Variants in NUP205 observed in about 807,000 individuals in gnomAD.
The protein encoded by NUP205 is nuclear pore complex protein Nup205.
NUP205 carries 76 observed loss-of-function variants against 253.8 expected under a neutral mutation model. The ratio of observed to expected loss-of-function variants is 0.30; its 90% CI spans 0.25 to 0.36. The LOEUF (loss-of-function observed/expected upper bound fraction) is 0.36. NUP205 is among the 10% of genes least tolerant of loss of function. The probability of loss-of-function intolerance (pLI) is 1.00; values close to 1 mark genes in which losing one functional copy is unlikely to be tolerated. For synonymous variants in NUP205, 832 were observed against 850.1 expected, an observed-to-expected ratio of 0.98 and a Z score of 0.37; for missense variants, 2,162 against 2,425.5, an observed-to-expected ratio of 0.89 and a Z score of 2.28.
At chr7:135,619,728 TG>T in intron 29 of NUP205, 38 bp downstream of exon 29, 1 of 1,597,346 alleles carries the variant, frequency 6.3e-7, no homozygotes, top group African/African-American at 1.4e-5. Flanking sequence ...TTCTATCTTT[TG>T]TATTTGTTTT....
Position 135,626,342 on chromosome 7 carries a change from C to T in NUP205, c.4774C>T (p.Pro1592Ser), listed in dbSNP as rs1794588500. The change falls in exon 33 of 43, where the codon CCA becomes TCA. Residue 1592 changes from proline (P) to serine (S), a missense_variant. Pro to Ser is a moderately conservative substitution (Grantham distance 74, BLOSUM62 -1). Around this residue, in one of 5 missense-constraint regions of NUP205, gnomAD observed 1,144 missense variants for 1,280.9 expected, o/e 0.89. Coordinates refer to ENST00000285968, the MANE Select transcript of NUP205 (RefSeq NM_015135.3). ...LAQCQVYDMR[P>S]ETDPQSMFGM... Reference sequence around the variant, plus strand: ...TCAATGCCAAGTCTATGACATGCGCCCAGAAACGGACCCGCAGAGGTAAGT... The same window carrying T: ...TCAATGCCAAGTCTATGACATGCGCTCAGAAACGGACCCGCAGAGGTAAGT... 2 of 1,614,012 alleles carry T rather than the reference C, an allele frequency of 1.2e-6. No homozygotes were observed. Among genetic ancestry groups the T allele is most frequent in the Admixed American group, 3.3e-5 (2 of 60,004 alleles).
At chr7:135,563,136 CTCCTTCATA>C (rs1041285163) in intron 1 of NUP205, among the ~76,000 whole-genome samples, 6 of 151,902 alleles carry the variant, frequency 3.9e-5, no homozygotes, top group Non-Finnish European at 5.9e-5. Context: ...CTGGCTACCT[CTCCTTCATA>C]TCCTTCATAT....
intron 1 of NUP205, among the ~76,000 whole-genome samples, chr7:135,565,338 A>G (rs1805721890): frequency 6.6e-6 from 1 of 151,978 alleles, no homozygotes; most frequent in Non-Finnish European, 1.5e-5. Context: ...CCTTTATACC[A>G]TGTGCCATTT....
chr7:135,645,564 C>G lies in NUP205; in HGVS notation c.5780C>G (p.Ser1927Trp), dbSNP rs749243035. 10 of 1,614,054 alleles carry G rather than the reference C, an allele frequency of 6.2e-6. No homozygotes were observed. In the South Asian group the frequency reaches 8.8e-5, roughly 14 times the overall value. Residue 1927 changes from serine (S) to tryptophan (W), a missense_variant, in exon 41 of 43, where the codon TCG becomes TGG. Coordinates refer to ENST00000285968, the MANE Select transcript of NUP205 (RefSeq NM_015135.3). The part of the protein sequence containing the change: ...PTDSQDSLFA[S>W]RTLFKSRRLQ... The stretch of plus-strand genomic sequence containing the variant: ...GATTCTCAAGATTCCTTATTTGCCT[C>G]GAGAACCTTGTTTAAAAGCAGAAGA...
intron 38 of NUP205, among the ~76,000 whole-genome samples, chr7:135,640,597 A>G (rs1794900634): frequency 6.6e-6 from 1 of 152,104 alleles, no homozygotes; most frequent in Non-Finnish European, 1.5e-5. Context: ...TGTTTGTATT[A>G]TGTCTAGGCT....
chr7:135,600,519 G>C (rs1793944839), intron 15 of NUP205, among the ~76,000 whole-genome samples: 1 of 152,186 alleles, frequency 6.6e-6, no homozygotes, highest in Non-Finnish European at 1.5e-5. Flanking sequence ...TAGAGAAAAT[G>C]TGAAATGTTT....
rs752409109 is a variant in NUP205 at position 135,643,321 on chromosome 7, A to G, written c.5522A>G (p.Gln1841Arg). 5 of 1,614,108 alleles carry G rather than the reference A, an allele frequency of 3.1e-6. No individual in the cohort carries two copies. The highest frequency in any genetic ancestry group is 1.6e-4 in the Middle Eastern group (1 of 6,062). Residue 1841 changes from glutamine to arginine, a missense_variant, in exon 39 of 43, where the codon CAA (glutamine) becomes CGA (arginine). Around this residue, in one of 5 missense-constraint regions of NUP205, gnomAD observed 1,144 missense variants for 1,280.9 expected, o/e 0.89. Coordinates refer to ENST00000285968, the MANE Select transcript of NUP205 (RefSeq NM_015135.3). ...CATCGACAGAGTGTCAGCAAGCTACAAAATGTAGAGCAGCTTCCCCCAGAT... is the reference window on the plus strand; with the variant it reads ...CATCGACAGAGTGTCAGCAAGCTACGAAATGTAGAGCAGCTTCCCCCAGAT... ...DSHRQSVSKL[Q>R]NVEQLPPDEI...
At chr7:135,565,148 C>T (rs983287908) in intron 1 of NUP205, among the ~76,000 whole-genome samples, 1 of 152,088 alleles carries the variant, frequency 6.6e-6, no homozygotes. Context: ...ATTCACTGAG[C>T]TTATTACACT....
At chr7:135,603,238 C>T (rs995265797) in intron 18 of NUP205, among the ~76,000 whole-genome samples, 1 of 151,480 alleles carries the variant, frequency 6.6e-6, no homozygotes, top group Non-Finnish European at 1.5e-5. Context: ...GCCTCAGCCT[C>T]CTGAGTAGCT....
intron 34 of NUP205, among the ~76,000 whole-genome samples, chr7:135,629,549 CAG>C (rs1794666229): frequency 7.2e-6 from 1 of 139,082 alleles, no homozygotes; most frequent in Non-Finnish European, 1.5e-5. Context: ...TTTTTTGAGA[CAG>C]AGTCTCACTT....
Position 135,648,486 on chromosome 7 carries a change from G to A in NUP205, c.5969G>A (p.Arg1990Gln), listed in dbSNP as rs141606746. The change falls in exon 43 of 43, where the codon CGA becomes CAA. Residue 1990 changes from arginine (R) to glutamine (Q), a missense_variant. Around this residue, in one of 5 missense-constraint regions of NUP205, gnomAD observed 1,144 missense variants for 1,280.9 expected, o/e 0.89. Transcript: ENST00000285968. ...LDIEGLYSKV[R>Q]SRYSFIQALV... ...ATTGAAGGATTATATTCAAAAGTTC[G>A]ATCTCGATATAGTTTCATACAGGCT... 11 of 1,607,324 alleles carry A rather than the reference G, an allele frequency of 6.8e-6. No homozygotes were observed. The highest frequency in any genetic ancestry group is 1.7e-5 in the Admixed American group (1 of 58,148).
chr7:135,622,683 T>C (rs1342460132), intron 30 of NUP205, 94 bp from the exon 31 acceptor site: 2 of 1,180,252 alleles, frequency 1.7e-6, no homozygotes, highest in Non-Finnish European at 1.2e-6. Context: ...TTTTTTTTTT[T>C]CTTCCTTAGC....
At chr7:135,571,278 G>C (rs1184588632) in intron 2 of NUP205, 31 bp downstream of exon 2, 1 of 1,332,146 alleles carries the variant, frequency 7.5e-7, no homozygotes, top group African/African-American at 1.6e-5. Context: ...GTTTTTTTGG[G>C]ATTTTTTTTT....
Position 135,593,172 on chromosome 7 carries a change from A to C in NUP205, c.1810A>C (p.Thr604Pro). ...TGGATTGATTGCTTTTTTGCAGCTC[A>C]CGTCTACCATCATTACTTGGGTAGG... is the stretch of plus-strand genomic sequence containing the variant. ...QDGLIAFLQLTSTIITWSENA... is the reference protein window; with the variant it reads ...QDGLIAFLQLPSTIITWSENA... Residue 604 changes from threonine (T) to proline (P), a missense_variant, in exon 12 of 43, where the codon ACG becomes CCG. Physicochemically the swap from Thr to Pro is conservative, Grantham distance 38 (BLOSUM62 -1). Around this residue, in one of 5 missense-constraint regions of NUP205, gnomAD observed 892 missense variants for 957.1 expected, o/e 0.93. Transcript: ENST00000285968. 1 of 1,614,038 alleles carries C rather than the reference A, an allele frequency of 6.2e-7. No homozygotes were observed. The highest frequency in any genetic ancestry group is 8.5e-7 in the Non-Finnish European group (1 of 1,179,934).
chr7:135,636,113 A>C (rs1425531177), intron 36 of NUP205, among the ~76,000 whole-genome samples: 3 of 152,114 alleles, frequency 2.0e-5, no homozygotes, highest in African/African-American at 7.2e-5. Flanking sequence ...GATTCTTTAC[A>C]AGCTCTGTAA....
Position 135,584,940 on chromosome 7 carries a change from A to G in NUP205, c.1151A>G (p.Gln384Arg). The change falls in exon 8 of 43, where the codon CAG (glutamine) becomes CGG (arginine). Residue 384 changes from glutamine (Q) to arginine (R), a missense_variant. Gln to Arg is a conservative substitution (Grantham distance 43, BLOSUM62 1). This residue lies in a region of NUP205 where 892 missense variants were observed against 957.1 expected (regional missense o/e 0.93). Coordinates refer to ENST00000285968, the MANE Select transcript of NUP205 (RefSeq NM_015135.3). ...GTAGTGGTATCAGAATACTTTTATC[A>G]GGAAGAATTTTATATTCGCAGAGTC... Reference protein sequence around the residue: ...ESVVVSEYFYQEEFYIRRVHN... With the variant: ...ESVVVSEYFYREEFYIRRVHN... The G allele has an allele frequency of 3.1e-6, 5 of 1,613,890 alleles. No individual in the cohort carries two copies. The highest frequency in any genetic ancestry group is 4.2e-6 in the Non-Finnish European group (5 of 1,179,768).
chr7:135,627,255 A>T (rs916609104), intron 33 of NUP205, among the ~76,000 whole-genome samples: 4 of 152,170 alleles, frequency 2.6e-5, no homozygotes, highest in African/African-American at 7.2e-5. Flanking sequence ...TATTAATACG[A>T]TGTTCTGAGA....
chr7:135,611,920 C>T (rs923091411), intron 22 of NUP205, among the ~76,000 whole-genome samples: 1 of 152,092 alleles, frequency 6.6e-6, no homozygotes, highest in East Asian at 1.9e-4. Flanking sequence ...CAAGACCATC[C>T]TGGCTAACAC....
intron 23 of NUP205, 38 bp from the exon 24 acceptor site, chr7:135,615,878 T>C: frequency 2.6e-6 from 4 of 1,526,726 alleles, no homozygotes; most frequent in Non-Finnish European, 3.6e-6. Flanking sequence ...TACTGTGTTA[T>C]TACTCTGGGA....
Sources: gnomAD v4.1 joint callset for allele counts (sites outside exome capture counted in the v4.1 genomes callset) on GRCh38, gnomAD v4.1.1 for gene constraint, gnomAD v4.1.1 regional missense constraint, MANE v1.5 for transcripts, NCBI Gene and HGNC (gene_info 2026-07-23, HGNC 2026-07-21) for gene names.